Variants in RALYL observed in about 807,000 individuals in gnomAD.
RALYL encodes the protein RALY RNA binding protein like, also known as RNA-binding Raly-like protein.
RALYL carries 29 observed loss-of-function variants against 35.1 expected under a neutral mutation model. That is an observed-to-expected ratio of 0.83 (90% CI 0.61 to 1.13). The LOEUF (loss-of-function observed/expected upper bound fraction) is 1.13. RALYL is among the 50% of genes most tolerant of loss of function. RALYL has a pLI of 0.00. For synonymous variants in RALYL, 120 were observed against 127.6 expected, an observed-to-expected ratio of 0.94 and a Z score of 0.40; for missense variants, 359 against 360.4, an observed-to-expected ratio of 1.00 and a Z score of 0.03.
At chr8:84,646,638 C>A (rs573164613) in intron 2 of RALYL, among the ~76,000 whole-genome samples, 2 of 152,000 alleles carry the variant, frequency 1.3e-5, no homozygotes, top group Non-Finnish European at 2.9e-5. Flanking sequence ...TTCAGTTCAG[C>A]CCAAATCTGT....
intron 2 of RALYL, among the ~76,000 whole-genome samples, chr8:84,651,049 C>A (rs897183482): frequency 1.3e-5 from 2 of 151,724 alleles, no homozygotes; most frequent in Admixed American, 1.3e-4. Context: ...GGAAGGGGAA[C>A]ATCACACTCT....
At chr8:84,227,342 GC>G in intron 1 of RALYL, among the ~76,000 whole-genome samples, 1 of 147,496 alleles carries the variant, frequency 6.8e-6, no homozygotes, top group Non-Finnish European at 1.5e-5. Flanking sequence ...ATAGGCGTGA[GC>G]CACCACGTCT....
intron 1 of RALYL, among the ~76,000 whole-genome samples, chr8:84,405,795 T>A (rs1241027341): frequency 6.6e-6 from 1 of 151,182 alleles, no homozygotes; most frequent in Non-Finnish European, 1.5e-5. Context: ...TAATTTTTAA[T>A]CAGTTTAATA....
intron 8 of RALYL, among the ~76,000 whole-genome samples, chr8:84,915,369 G>C (rs1475497959): frequency 6.6e-6 from 1 of 151,954 alleles, no homozygotes; most frequent in African/African-American, 2.4e-5. Context: ...CATCTTAGAA[G>C]ATCTCACCTG....
intron 8 of RALYL, among the ~76,000 whole-genome samples, chr8:84,913,443 CTAA>C (rs1348305721): frequency 2.6e-5 from 4 of 151,946 alleles, no homozygotes; most frequent in African/African-American, 7.2e-5. Context: ...TAAAAATGCT[CTAA>C]TGTTTTATTT....
At chr8:84,567,420 T>A (rs1379088363) in intron 2 of RALYL, among the ~76,000 whole-genome samples, 2 of 151,788 alleles carry the variant, frequency 1.3e-5, no homozygotes, top group Non-Finnish European at 2.9e-5. Context: ...TGTCCATGTG[T>A]GGCCATTGTT....
intron 2 of RALYL, among the ~76,000 whole-genome samples, chr8:84,615,761 A>C: frequency 9.9e-6 from 1 of 101,366 alleles, no homozygotes; most frequent in African/African-American, 4.1e-5. Flanking sequence ...CCACCCCACA[A>C]CAGTCCCCAG....
intron 1 of RALYL, among the ~76,000 whole-genome samples, chr8:84,431,403 A>G (rs1401338659): frequency 2.0e-5 from 3 of 152,114 alleles, no homozygotes; most frequent in African/African-American, 7.2e-5. Flanking sequence ...AAATTGCTCA[A>G]TATCACTATG....
At chr8:84,915,776 C>A (rs1303282542) in intron 8 of RALYL, among the ~76,000 whole-genome samples, 1 of 152,074 alleles carries the variant, frequency 6.6e-6, no homozygotes. Context: ...GACATCATTA[C>A]ATCTTATCAA....
chr8:84,255,794 G>A (rs544021813), intron 1 of RALYL, among the ~76,000 whole-genome samples: 2 of 151,980 alleles, frequency 1.3e-5, no homozygotes, highest in South Asian at 2.1e-4. Context: ...AGTTTTCCCC[G>A]GAAAATTTAT....
rs147158707 is a variant in RALYL at position 84,305,292 on chromosome 8, A to T, written c.-24+120868A>T. ...ATAAAGTAATACAAGACTCATCTAT[A>T]CCTCTAGCTTTCACTGATTCCTTGC... On this transcript the variant is annotated intron_variant, in intron 1 of 8. Transcript: ENST00000521268. Among the ~76,000 whole-genome samples, 1,021 of 152,316 alleles carry T rather than the reference A, an allele frequency of 6.7e-3. 12 individuals are homozygous for T. The highest frequency in any genetic ancestry group is 0.024 in the African/African-American group (980 of 41,576).
intron 2 of RALYL, among the ~76,000 whole-genome samples, chr8:84,589,774 T>C (rs545401856): frequency 6.7e-4 from 102 of 152,238 alleles, no homozygotes; most frequent in Non-Finnish European, 1.0e-3. Context: ...ATAAGAACGC[T>C]AAAAGGGGAA....
chr8:84,504,118 G>A (rs1286493464), intron 1 of RALYL, among the ~76,000 whole-genome samples: 1 of 151,706 alleles, frequency 6.6e-6, no homozygotes, highest in Non-Finnish European at 1.5e-5. Flanking sequence ...TTACTATAAA[G>A]AACAACATTA....
intron 1 of RALYL, among the ~76,000 whole-genome samples, chr8:84,327,032 G>A (rs534364777): frequency 6.6e-6 from 1 of 152,178 alleles, no homozygotes. Flanking sequence ...AAAACACTTG[G>A]TTGACATGCT....
intron 4 of RALYL, among the ~76,000 whole-genome samples, chr8:84,837,463 G>C (rs920624506): frequency 6.6e-6 from 1 of 152,136 alleles, no homozygotes; most frequent in Admixed American, 6.5e-5. Context: ...TTTTAATGAA[G>C]TTCGGTGAGG....
rs548813909 is a variant in RALYL, at chr8:84,208,296, A to G, written c.-24+23872A>G. On this transcript the variant is annotated intron_variant, in intron 1 of 8. Transcript: ENST00000521268. The stretch of plus-strand genomic sequence containing the variant: ...TTTTTAATTTCATTGACAAACTACC[A>G]TTTTTCTCTTTAAATCCGATTTTTC... 2.0e-5 allele frequency among the ~76,000 whole-genome samples: 3 copies of G among 152,200 alleles called. No homozygotes were observed. In the East Asian group the frequency reaches 5.8e-4, roughly 29 times the overall value.
At chr8:84,677,607 A>C (rs889298080) in intron 2 of RALYL, among the ~76,000 whole-genome samples, 3 of 152,232 alleles carry the variant, frequency 2.0e-5, no homozygotes, top group African/African-American at 7.2e-5. Flanking sequence ...AAAACTGGAA[A>C]TAGAAAAGAA....
chr8:84,281,789 ATG>A lies in RALYL; in HGVS notation c.-24+97377_-24+97378del, dbSNP rs971376399. ...ATGTATATATGTAATCTCTAAGTGT[ATG>A]TGTGTGTGTGTATATATATATTTAC... On this transcript the variant is annotated intron_variant, in intron 1 of 8. Transcript: ENST00000521268. 3.6e-4 allele frequency among the ~76,000 whole-genome samples: 55 copies of A among 150,896 alleles called. No individual in the cohort carries two copies. The South Asian group carries it at 4.4e-3, about 12-fold the overall frequency.
intron 2 of RALYL, among the ~76,000 whole-genome samples, chr8:84,773,821 C>T (rs1393019788): frequency 6.6e-6 from 1 of 152,108 alleles, no homozygotes; most frequent in Non-Finnish European, 1.5e-5. Context: ...TTTAATAAGT[C>T]CTCCTATGAA....
Sources: gnomAD v4.1 joint callset for allele counts (sites outside exome capture counted in the v4.1 genomes callset) on GRCh38, gnomAD v4.1.1 for gene constraint, MANE v1.5 for transcripts, NCBI Gene and HGNC (gene_info 2026-07-23, HGNC 2026-07-21) for gene names.